SCAF8: variants seen among roughly 807,000 people sequenced by gnomAD.
SCAF8 encodes SR-related and CTD-associated factor 8.
In SCAF8, 23 loss-of-function variants were observed where a neutral mutation model predicts 140.5. That is an observed-to-expected ratio of 0.16 (90% CI 0.12 to 0.23). The LOEUF (loss-of-function observed/expected upper bound fraction) is 0.23. SCAF8 is among the 10% of genes least tolerant of loss of function. The pLI is 1.00. For synonymous variants in SCAF8, 575 were observed against 528.9 expected (o/e 1.09, Z -1.20); for missense variants, 1,397 against 1,555.7 (o/e 0.90, Z 1.72).
intron 18 of SCAF8, among the ~76,000 whole-genome samples, chr6:154,827,840 G>GGT (rs1778612636): frequency 6.6e-6 from 1 of 150,518 alleles, no homozygotes; most frequent in South Asian, 2.1e-4. Context: ...GGGGCGGGGG[G>GGT]GGGGGCGGTG....
At chr6:154,789,427 T>C (rs1180110466) in intron 4 of SCAF8, among the ~76,000 whole-genome samples, 1 of 152,062 alleles carries the variant, frequency 6.6e-6, no homozygotes, top group Non-Finnish European at 1.5e-5. Context: ...AAATTTATTA[T>C]GCTGTATTCT....
rs987199109 is a variant in SCAF8 at position 154,788,038 on chromosome 6, T to G, written c.321+16T>G. The G allele has an allele frequency of 4.4e-6, 7 of 1,578,220 alleles. No homozygotes were observed. The African/African-American group carries it at 8.3e-5, about 19-fold the overall frequency. ...GGATGACAAGGTATGCTACTGGTTT[T>G]TTTTTTTTGTTTTTTTAAAAGTAGA... On this transcript the variant is annotated intron_variant, in intron 4 of 19. Transcript: ENST00000367178.
chr6:154,767,174 C>T (rs1404592583), intron 1 of SCAF8, among the ~76,000 whole-genome samples: 2 of 152,136 alleles, frequency 1.3e-5, no homozygotes, highest in African/African-American at 2.4e-5. Context: ...CCAGGCCTTC[C>T]TTCTGTGCAA....
In SCAF8 at chr6:154,820,412, G is replaced by A. The variant is rs779981522; in HGVS notation, c.1792+79G>A. Reference sequence around the variant, plus strand: ...TAGCTGAAGTGAATTTGGGATGACAGCGTTAACTGTGTATCCTGGATTCAT... The same window carrying A: ...TAGCTGAAGTGAATTTGGGATGACAACGTTAACTGTGTATCCTGGATTCAT... On this transcript the variant is annotated intron_variant, in intron 15 of 19. Coordinates refer to ENST00000367178, the MANE Select transcript of SCAF8 (RefSeq NM_014892.5). 22 of 1,180,896 alleles carry A rather than the reference G, an allele frequency of 1.9e-5. No homozygotes were observed. The African/African-American group carries it at 3.3e-4, about 18-fold the overall frequency. 73.2% of individuals were successfully genotyped at this position (1,180,896 alleles called of 1,614,324 possible). A position where few individuals can be genotyped will look rare whatever the true frequency, so the allele number is the denominator to read the frequency against.
chr6:154,765,314 A>G (rs1278355503), intron 1 of SCAF8, among the ~76,000 whole-genome samples: 4 of 152,182 alleles, frequency 2.6e-5, no homozygotes, highest in Admixed American at 1.3e-4. Context: ...ACTGTATAGA[A>G]CACCTAAATT....
Position 154,832,194 on chromosome 6 carries a change from T to C in SCAF8, c.2615T>C (p.Leu872Pro). The change falls in exon 20 of 20, where the codon CTA (leucine) becomes CCA (proline). Residue 872 changes from leucine to proline, a missense_variant. By Grantham distance (98) the Leu-to-Pro change is moderately conservative. Transcript: ENST00000367178. ...AATAGTTCTGGACTTTTGGGAGTGC[T>C]ACCCCCAAATATACCTAACAATTCT... ...VSNSSGLLGV[L>P]PPNIPNNSGL... The C allele has an allele frequency of 6.2e-7, 1 of 1,614,088 alleles. No homozygotes were observed. The highest frequency in any genetic ancestry group is 8.5e-7 in the Non-Finnish European group (1 of 1,179,988).
rs67493657 is a variant in SCAF8 at position 154,812,176 on chromosome 6, C to CT, written c.1420+1991dup. ...CTCCATTGTGCTTTGAAGATACTGC[C>CT]TTTTTTTTTTTTTTTTTTTTTTTAA... On this transcript the variant is annotated intron_variant, in intron 12 of 19. Transcript: ENST00000367178. Among the ~76,000 whole-genome samples the CT allele has an allele frequency of 9.0e-3, 954 of 106,362 alleles. 17 individuals carry two copies. The highest frequency in any genetic ancestry group is 0.021 in the African/African-American group (548 of 26,316). The allele number at this position is 106,362 out of a possible 152,430, so 69.8% of individuals were successfully genotyped here. A position where few individuals can be genotyped will look rare whatever the true frequency, so the allele number is the denominator to read the frequency against.
intron 1 of SCAF8, among the ~76,000 whole-genome samples, chr6:154,752,801 A>AT (rs1226354316): frequency 2.4e-4 from 36 of 152,284 alleles, no homozygotes; most frequent in Non-Finnish European, 4.0e-4. Flanking sequence ...GTCTTGCAGC[A>AT]TTCTCCGCCT....
intron 13 of SCAF8, among the ~76,000 whole-genome samples, chr6:154,817,011 G>A (rs1350222052): frequency 6.8e-6 from 1 of 146,834 alleles, no homozygotes; most frequent in African/African-American, 2.5e-5. Context: ...GAGTGCTGTC[G>A]ACCTCTCTTA....
rs1438874200 is a variant in SCAF8 at position 154,832,431 on chromosome 6, G to T, written c.2852G>T (p.Gly951Val). 6.2e-7 allele frequency: 1 copy of T among 1,613,956 alleles called. No individual in the cohort carries two copies. Among genetic ancestry groups the T allele is most frequent in the East Asian group, 2.2e-5 (1 of 44,886 alleles). ...LIQPGIPPQR[G>V]IPPPSVLDSA... ...CAGCCTGGAATTCCACCCCAACGGG[G>T]AATCCCACCCCCATCGGTACTTGAT... is the stretch of plus-strand genomic sequence containing the variant. Residue 951 changes from glycine to valine, a missense_variant, in exon 20 of 20, where the codon GGA (glycine) becomes GTA (valine). Around this residue, in one of 5 missense-constraint regions of SCAF8, gnomAD observed 930 missense variants for 874.6 expected, o/e 1.06. Transcript: ENST00000367178.
At chr6:154,790,023 A>G (rs1777367701) in intron 4 of SCAF8, among the ~76,000 whole-genome samples, 1 of 152,208 alleles carries the variant, frequency 6.6e-6, no homozygotes, top group African/African-American at 2.4e-5. Context: ...TGGTGATTAA[A>G]TCTTTCTTGA....
chr6:154,779,014 T>G (rs1469639960), intron 3 of SCAF8, among the ~76,000 whole-genome samples: 4 of 152,066 alleles, frequency 2.6e-5, no homozygotes, highest in African/African-American at 4.8e-5. Flanking sequence ...TGTCTGGTTT[T>G]GTTTTGTTTT....
At chr6:154,810,755 G>A (rs796622350) in intron 12 of SCAF8, among the ~76,000 whole-genome samples, 1 of 152,042 alleles carries the variant, frequency 6.6e-6, no homozygotes. Context: ...TCACTTGGTA[G>A]GAATGTTAAG....
intron 12 of SCAF8, 102 bp downstream of exon 12, chr6:154,810,310 T>A: frequency 1.2e-6 from 1 of 817,990 alleles, no homozygotes; most frequent in Non-Finnish European, 1.8e-6. Flanking sequence ...AGATTAAGGT[T>A]AAAAGTGGTT....
At chr6:154,776,075 C>T (rs1211008748) in intron 2 of SCAF8, among the ~76,000 whole-genome samples, 2 of 151,980 alleles carry the variant, frequency 1.3e-5, no homozygotes, top group Non-Finnish European at 2.9e-5. Context: ...ATAGAATTAT[C>T]TAATATAGAG....
At chr6:154,817,236 C>T (rs1006718417) in intron 13 of SCAF8, among the ~76,000 whole-genome samples, 3 of 152,186 alleles carry the variant, frequency 2.0e-5, no homozygotes, top group African/African-American at 7.2e-5. Flanking sequence ...GTCACAGCTG[C>T]ATAGGTGGTT....
In SCAF8 at chr6:154,833,866, A is replaced by G. The variant is rs1778823386; in HGVS notation, c.*471A>G. The G allele has an allele frequency of 6.5e-6, 1 of 153,594 alleles. No homozygotes were observed. The highest frequency in any genetic ancestry group is 6.5e-5 in the Admixed American group (1 of 15,336). The allele number at this position is 153,594 out of a possible 1,614,324, so 9.5% of individuals were successfully genotyped here. On this transcript the variant is annotated 3_prime_UTR_variant, in exon 20 of 20. Transcript: ENST00000367178. ...GCTCTAGGTATTTGAGGAGCACAAT[A>G]CAGAGATTTTAAAAAGTGATTTTGT...
At chr6:154,808,240 AG>A in intron 10 of SCAF8, 39 bp downstream of exon 10, 1 of 1,573,480 alleles carries the variant, frequency 6.4e-7, no homozygotes, top group South Asian at 1.1e-5. Context: ...AATTTCTAAA[AG>A]TAGCTAAAGA....
intron 5 of SCAF8, among the ~76,000 whole-genome samples, chr6:154,794,771 GGTGT>G (rs1777540304): frequency 7.3e-5 from 4 of 55,136 alleles, no homozygotes; most frequent in Admixed American, 2.3e-4. Context: ...GGGGGGGGGG[GGTGT>G]GGGGGGTGTG....
Sources: gnomAD v4.1 joint callset for allele counts (sites outside exome capture counted in the v4.1 genomes callset) on GRCh38, gnomAD v4.1.1 for gene constraint, gnomAD v4.1.1 regional missense constraint, MANE v1.5 for transcripts, NCBI Gene and HGNC (gene_info 2026-07-23, HGNC 2026-07-21) for gene names.